REDIC1: variants seen among roughly 807,000 people sequenced by gnomAD.
The protein encoded by REDIC1 is regulator of DNA class I crossover intermediates 1.
At chr12:39,734,181 G>A in the REDIC1 span, among the ~76,000 whole-genome samples, 25 of 152,118 alleles carry the variant, frequency 1.6e-4, no homozygotes, top group East Asian at 3.9e-4. Flanking sequence ...GACCCTTTGC[G>A]CTTCCTGGGT....
chr12:39,824,368 G>A, the REDIC1 span, among the ~76,000 whole-genome samples: 1 of 152,190 alleles, frequency 6.6e-6, no homozygotes, highest in Non-Finnish European at 1.5e-5. Context: ...GTTGGATAAT[G>A]GGAGCAGGTG....
the REDIC1 span, among the ~76,000 whole-genome samples, chr12:39,807,175 G>T: frequency 6.6e-6 from 1 of 152,234 alleles, no homozygotes; most frequent in Non-Finnish European, 1.5e-5. Context: ...CGCCAACCTA[G>T]TGGTCATGAG....
the REDIC1 span, among the ~76,000 whole-genome samples, chr12:39,712,465 T>A: frequency 7.1e-6 from 1 of 140,530 alleles, no homozygotes; most frequent in Admixed American, 7.2e-5. Context: ...TATATATACG[T>A]ATGTATATAT....
At chr12:39,849,334 A>T in the REDIC1 span, among the ~76,000 whole-genome samples, 1 of 152,146 alleles carries the variant, frequency 6.6e-6, no homozygotes, top group African/African-American at 2.4e-5. Context: ...CCTCCAAGTT[A>T]CTTGGACAGC....
At chr12:39,837,695 C>A in the REDIC1 span, among the ~76,000 whole-genome samples, 1 of 152,096 alleles carries the variant, frequency 6.6e-6, no homozygotes, top group Non-Finnish European at 1.5e-5. Context: ...TGAACAGACA[C>A]TTCTCAAAAG....
the REDIC1 span, chr12:39,736,840 C>T: frequency 6.6e-6 from 1 of 152,192 alleles, no homozygotes; most frequent in African/African-American, 2.4e-5. Context: ...CCCAGCTTTC[C>T]CAGCCCCAGC....
At chr12:39,795,057 G>C in the REDIC1 span, among the ~76,000 whole-genome samples, 1 of 152,034 alleles carries the variant, frequency 6.6e-6, no homozygotes, top group African/African-American at 2.4e-5. Flanking sequence ...AAAGCCATGG[G>C]TTCAAAAATT....
chr12:39,718,281 G>A, the REDIC1 span, among the ~76,000 whole-genome samples: 4 of 152,058 alleles, frequency 2.6e-5, no homozygotes, highest in Non-Finnish European at 5.9e-5. Flanking sequence ...AATTAGAGAT[G>A]TTGTGCTTCA....
the REDIC1 span, among the ~76,000 whole-genome samples, chr12:39,803,449 A>G: frequency 6.6e-6 from 1 of 152,202 alleles, no homozygotes; most frequent in African/African-American, 2.4e-5. Context: ...AATAAGCATG[A>G]GTATAATTAT....
At chr12:39,631,851 A>G in the REDIC1 span, among the ~76,000 whole-genome samples, 1 of 152,170 alleles carries the variant, frequency 6.6e-6, no homozygotes, top group African/African-American at 2.4e-5. Flanking sequence ...AAATATAAGG[A>G]ATCAATACTG....
chr12:39,892,807 G>A, the REDIC1 span, among the ~76,000 whole-genome samples: 24 of 152,168 alleles, frequency 1.6e-4, no homozygotes, highest in African/African-American at 5.8e-4. Flanking sequence ...TGAGGATATT[G>A]ACAGAAGATG....
At chr12:39,789,735 A>G in the REDIC1 span, among the ~76,000 whole-genome samples, 3 of 152,172 alleles carry the variant, frequency 2.0e-5, no homozygotes, top group African/African-American at 4.8e-5. Context: ...CCATTAACCT[A>G]GTTGATAAAA....
the REDIC1 span, chr12:39,754,212 T>TAA: frequency 1.3e-5 from 2 of 152,128 alleles, no homozygotes; most frequent in African/African-American, 4.8e-5. Flanking sequence ...GTTTTGAACT[T>TAA]AAGTTTTAGT....
chr12:39,734,786 T>C, the REDIC1 span, among the ~76,000 whole-genome samples: 1 of 152,244 alleles, frequency 6.6e-6, no homozygotes, highest in African/African-American at 2.4e-5. Context: ...TACTTCCTGT[T>C]CTTTTTCAAA....
chr12:39,651,778 A>C, the REDIC1 span, among the ~76,000 whole-genome samples: 1 of 152,164 alleles, frequency 6.6e-6, no homozygotes, highest in African/African-American at 2.4e-5. Flanking sequence ...TTTAACTATG[A>C]TAATGAATTT....
At chr12:39,852,820 C>T in the REDIC1 span, among the ~76,000 whole-genome samples, 3,004 of 152,254 alleles carry the variant, frequency 0.02, 104 homozygotes, top group African/African-American at 0.068. Flanking sequence ...ATTTGCATAG[C>T]GGTATAACTT....
At chr12:39,710,090 G>T in the REDIC1 span, among the ~76,000 whole-genome samples, 1 of 151,694 alleles carries the variant, frequency 6.6e-6, no homozygotes, top group Non-Finnish European at 1.5e-5. Context: ...TGGATTTTGT[G>T]ATTTGGACCA....
the REDIC1 span, among the ~76,000 whole-genome samples, chr12:39,724,372 T>C: frequency 1.3e-5 from 2 of 152,168 alleles, no homozygotes; most frequent in African/African-American, 4.8e-5. Flanking sequence ...TGTAGAGTGA[T>C]GTCTGTGCCC....
chr12:39,749,273 C>T, the REDIC1 span, among the ~76,000 whole-genome samples: 1 of 152,160 alleles, frequency 6.6e-6, no homozygotes, highest in Non-Finnish European at 1.5e-5. Flanking sequence ...AAACTACCAT[C>T]AGAGAATACT....
Sources: gnomAD v4.1 joint callset for allele counts (sites outside exome capture counted in the v4.1 genomes callset) on GRCh38, gnomAD v4.1.1 for gene constraint, MANE v1.5 for transcripts, NCBI Gene and HGNC (gene_info 2026-07-23, HGNC 2026-07-21) for gene names.